Variants in TLCD4 observed in about 807,000 individuals in gnomAD.
TLCD4 encodes TLC domain-containing protein 4.
Under a neutral mutation model 24.2 loss-of-function variants are expected in TLCD4, and 7 were observed. The observed-to-expected ratio is 0.29, with a 90% CI of 0.16 to 0.54. The LOEUF (loss-of-function observed/expected upper bound fraction) is 0.54. Among genes scored for constraint, TLCD4 ranks in the 20% least tolerant of loss-of-function variants. The pLI is 0.95. For missense variants in TLCD4, 259 were observed against 313.9 expected, an observed-to-expected ratio of 0.82 and a Z score of 1.32; for synonymous variants, 103 against 106.4, an observed-to-expected ratio of 0.97 and a Z score of 0.20.
chr1:95,131,777 G>A (rs562056419), intron 1 of TLCD4, among the ~76,000 whole-genome samples: 19 of 152,336 alleles, frequency 1.2e-4, no homozygotes, highest in African/African-American at 4.6e-4. Context: ...AGATCTGAAT[G>A]TATGGTGCAA....
chr1:95,178,408 C>T (rs945712737), intron 6 of TLCD4, among the ~76,000 whole-genome samples: 4 of 151,896 alleles, frequency 2.6e-5, no homozygotes, highest in African/African-American at 7.3e-5. Context: ...TACAGGCATT[C>T]GCTGCCATCT....
chr1:95,154,377 C>T (rs1557686421), intron 5 of TLCD4, among the ~76,000 whole-genome samples: 1 of 152,120 alleles, frequency 6.6e-6, no homozygotes, highest in South Asian at 2.1e-4. Context: ...AAATTGAGTA[C>T]TGATGTTTGT....
At chr1:95,155,538 G>A (rs981809003) in intron 5 of TLCD4, among the ~76,000 whole-genome samples, 5 of 152,064 alleles carry the variant, frequency 3.3e-5, no homozygotes, top group South Asian at 2.1e-4. Flanking sequence ...TCTTGAATAG[G>A]AGAGAAAAGG....
intron 2 of TLCD4, among the ~76,000 whole-genome samples, chr1:95,144,972 T>G (rs1470487400): frequency 6.6e-6 from 1 of 152,242 alleles, no homozygotes; most frequent in Non-Finnish European, 1.5e-5. Context: ...ATTACAGGCA[T>G]GAGCCACTGC....
rs558157474 is a variant in TLCD4 at position 95,155,981 on chromosome 1, G to A, written c.399+4562G>A. On this transcript the variant is annotated intron_variant, in intron 5 of 6. Coordinates refer to ENST00000370203, the MANE Select transcript of TLCD4 (RefSeq NM_152487.3). The stretch of plus-strand genomic sequence containing the variant: ...ACTGTAGTAATTTAAGGAATGGAAA[G>A]ATCATTGTGTTAATTTCTGTTAATT... Among the ~76,000 whole-genome samples the A allele has an allele frequency of 8.6e-5, 13 of 151,990 alleles. 1 individual carries two copies. In the East Asian group the frequency reaches 2.5e-3, roughly 29 times the overall value.
chr1:95,168,737 G>A (rs1294696269), intron 5 of TLCD4, among the ~76,000 whole-genome samples: 2 of 152,064 alleles, frequency 1.3e-5, no homozygotes, highest in African/African-American at 4.8e-5. Context: ...GGACTCTTGG[G>A]ATTTTGACTT....
intron 1 of TLCD4, among the ~76,000 whole-genome samples, chr1:95,143,410 A>C (rs1033071918): frequency 3.3e-5 from 5 of 152,110 alleles, no homozygotes; most frequent in African/African-American, 1.2e-4. Flanking sequence ...TTTTTTAATT[A>C]TGGAATTATT....
At chr1:95,097,677 A>G in the TLCD4 span, among the ~76,000 whole-genome samples, 1 of 152,228 alleles carries the variant, frequency 6.6e-6, no homozygotes, top group African/African-American at 2.4e-5. Flanking sequence ...GAGGAAATCA[A>G]CCAAAGGAAC....
At chr1:95,161,479 A>AG (rs1483152366) in intron 5 of TLCD4, among the ~76,000 whole-genome samples, 1 of 151,988 alleles carries the variant, frequency 6.6e-6, no homozygotes, top group East Asian at 1.9e-4. Context: ...GATTTTTTGA[A>AG]GGGTTTTTGT....
At chr1:95,173,790 C>CCAA (rs1678318191) in intron 5 of TLCD4, 26 bp from the exon 6 acceptor site, 3 of 1,613,316 alleles carry the variant, frequency 1.9e-6, no homozygotes, top group Non-Finnish European at 2.5e-6. Context: ...TTATCCTTGA[C>CCAA]GTTGTGTTTT....
chr1:95,111,327 AG>A, the TLCD4 span, among the ~76,000 whole-genome samples: 13 of 149,276 alleles, frequency 8.7e-5, no homozygotes, highest in Non-Finnish European at 1.6e-4. Flanking sequence ...ACAAAAAAAA[AG>A]AAAAGAAAAG....
the TLCD4 span, among the ~76,000 whole-genome samples, chr1:95,095,193 T>C: frequency 2.0e-5 from 3 of 152,164 alleles, no homozygotes; most frequent in Admixed American, 6.5e-5. Flanking sequence ...AGAATGAAAC[T>C]TGCAGGAGTA....
intron 5 of TLCD4, among the ~76,000 whole-genome samples, chr1:95,166,252 G>A (rs760235062): frequency 6.6e-6 from 1 of 152,048 alleles, no homozygotes; most frequent in Non-Finnish European, 1.5e-5. Context: ...ATAGAAAGTA[G>A]GTAATTTTCA....
chr1:95,123,323 C>A (rs547993431), intron 1 of TLCD4, among the ~76,000 whole-genome samples: 1 of 152,074 alleles, frequency 6.6e-6, no homozygotes, highest in Admixed American at 6.6e-5. Context: ...TTCTTACATG[C>A]CCTATGGAAA....
intron 5 of TLCD4, among the ~76,000 whole-genome samples, chr1:95,170,317 A>T (rs955647844): frequency 4.0e-5 from 6 of 149,202 alleles, no homozygotes; most frequent in Admixed American, 2.8e-4. Context: ...GGGTTATAAT[A>T]ATACAAATCA....
chr1:95,115,433 T>C (rs765374831), upstream of TLCD4, among the ~76,000 whole-genome samples: 1 of 152,180 alleles, frequency 6.6e-6, no homozygotes, highest in Non-Finnish European at 1.5e-5. Flanking sequence ...TTAAAGAGAT[T>C]AAGCTACCCT....
At chr1:95,124,006 C>T (rs961470400) in intron 1 of TLCD4, among the ~76,000 whole-genome samples, 14 of 152,132 alleles carry the variant, frequency 9.2e-5, no homozygotes, top group Admixed American at 2.6e-4. Flanking sequence ...GAAAGCGCAG[C>T]GTTAGATGTT....
At chr1:95,106,499 G>A in the TLCD4 span, among the ~76,000 whole-genome samples, 1 of 152,074 alleles carries the variant, frequency 6.6e-6, no homozygotes, top group African/African-American at 2.4e-5. Flanking sequence ...TCAGGAGTCC[G>A]AGACCAGCCT....
the TLCD4 span, among the ~76,000 whole-genome samples, chr1:95,095,750 C>T: frequency 1.3e-5 from 2 of 152,128 alleles, no homozygotes; most frequent in African/African-American, 4.8e-5. Context: ...AAAAGAAATC[C>T]CTCATAGTAT....
Sources: allele counts gnomAD v4.1 joint callset (sites outside exome capture counted in the v4.1 genomes callset), GRCh38; gene constraint gnomAD v4.1.1; transcripts MANE v1.5; gene names NCBI Gene and HGNC (gene_info 2026-07-23, HGNC 2026-07-21).